The following RASA1 variants were observed in gnomAD, a reference collection of about 807,000 sequenced individuals.
RASA1 encodes the protein ras GTPase-activating protein 1.
Under a neutral mutation model 132.2 loss-of-function variants are expected in RASA1, and 25 were observed. The observed-to-expected ratio is 0.19, with a 90% CI of 0.14 to 0.26. The LOEUF (loss-of-function observed/expected upper bound fraction) is 0.26, where lower values mean the gene tolerates loss of function less well. Ranked by LOEUF, RASA1 falls within the 10% of genes least tolerant of loss-of-function variation. The pLI is 1.00. For synonymous variants in RASA1, 477 were observed against 449.9 expected, an observed-to-expected ratio of 1.06 and a Z score of -0.76; for missense variants, 964 against 1,299.2, an observed-to-expected ratio of 0.74 and a Z score of 3.97.
intron 11 of RASA1, among the ~76,000 whole-genome samples, chr5:87,365,758 T>C (rs1375904628): frequency 6.6e-6 from 1 of 152,064 alleles, no homozygotes; most frequent in Non-Finnish European, 1.5e-5. Context: ...ATACATTTAA[T>C]TGCTAAATTT....
intron 1 of RASA1, 150 bp from the exon 2 acceptor site, chr5:87,331,198 G>C (rs1388512400): frequency 9.8e-7 from 1 of 1,018,804 alleles, no homozygotes; most frequent in Non-Finnish European, 1.5e-6. Context: ...GTTAAATTGA[G>C]TTAAAATTGG....
chr5:87,315,440 A>T (rs1039862374), intron 1 of RASA1, among the ~76,000 whole-genome samples: 10 of 152,186 alleles, frequency 6.6e-5, no homozygotes, highest in African/African-American at 2.4e-4. Flanking sequence ...TCTAATCCTC[A>T]CAAAGGTAGG....
At chr5:87,271,216 CA>C (rs2112227757) in intron 1 of RASA1, among the ~76,000 whole-genome samples, 1 of 152,030 alleles carries the variant, frequency 6.6e-6, no homozygotes, top group South Asian at 2.1e-4. Flanking sequence ...CCAGCCTGGG[CA>C]ATAAGAGCTT....
chr5:87,319,488 C>T (rs1400484554), intron 1 of RASA1, among the ~76,000 whole-genome samples: 1 of 152,224 alleles, frequency 6.6e-6, no homozygotes, highest in Non-Finnish European at 1.5e-5. Context: ...ACCCACAGAC[C>T]CAACACCATG....
rs576329276 is a variant in RASA1, at chr5:87,268,795, C to G, written c.344C>G (p.Ala115Gly). 3 of 1,614,114 alleles carry G rather than the reference C, an allele frequency of 1.9e-6. No individual in the cohort carries two copies. Among genetic ancestry groups the G allele is most frequent in the Admixed American group, 1.7e-5 (1 of 60,012 alleles). The change falls in exon 1 of 25, where the codon GCT becomes GGT. Residue 115 changes from alanine to glycine, a missense_variant. Physicochemically the swap from Ala to Gly is moderately conservative, Grantham distance 60. This residue lies in a region of RASA1 where 326 missense variants were observed against 275.8 expected (regional missense o/e 1.18). Coordinates refer to ENST00000274376, the MANE Select transcript of RASA1 (RefSeq NM_002890.3). ...GTTGCTGGACCTAGTGGAGACATGGCTCTCACCAAACTGCCCACTTCGTTG... is the reference window on the plus strand; with the variant it reads ...GTTGCTGGACCTAGTGGAGACATGGGTCTCACCAAACTGCCCACTTCGTTG... ...AAVAGPSGDM[A>G]LTKLPTSLLA... is the part of the protein sequence containing the mutation.
At chr5:87,381,993 C>T (rs1246430673) in intron 20 of RASA1, among the ~76,000 whole-genome samples, 2 of 152,052 alleles carry the variant, frequency 1.3e-5, no homozygotes, top group African/African-American at 4.8e-5. Context: ...GCTCTGTTGC[C>T]CATGCTGGAG....
In RASA1 at chr5:87,332,569, T is replaced by C; in HGVS notation, c.755T>C (p.Leu252Pro). 1 of 1,607,968 alleles carries C rather than the reference T, an allele frequency of 6.2e-7. No individual in the cohort carries two copies. The highest frequency in any genetic ancestry group is 8.5e-7 in the Non-Finnish European group (1 of 1,174,716). ...AGACGTTTTTCTTCACTGTCAGACC[T>C]AATAGGTTATTACAGTCATGTTTCT... ...GGRRFSSLSD[L>P]IGYYSHVSCL... The change falls in exon 3 of 25, where the codon CTA becomes CCA. Residue 252 changes from leucine (L) to proline (P), a missense_variant. Leu to Pro is a moderately conservative substitution (Grantham distance 98, BLOSUM62 -3). This residue lies in a region of RASA1 where 154 missense variants were observed against 286.5 expected (regional missense o/e 0.54). Coordinates refer to ENST00000274376, the MANE Select transcript of RASA1 (RefSeq NM_002890.3).
At chr5:87,305,867 C>G (rs1580221953) in intron 1 of RASA1, among the ~76,000 whole-genome samples, 1 of 152,302 alleles carries the variant, frequency 6.6e-6, no homozygotes, top group East Asian at 1.9e-4. Flanking sequence ...GGGCAAGAAT[C>G]AGATGAAATA....
At chr5:87,303,315 G>A (rs189808477) in intron 1 of RASA1, among the ~76,000 whole-genome samples, 125 of 150,544 alleles carry the variant, frequency 8.3e-4, no homozygotes, top group Non-Finnish European at 1.6e-3. Context: ...GAAGTCTTAC[G>A]TTGTACCTTT....
chr5:87,331,005 T>C (rs1274088459), intron 1 of RASA1: 1 of 1,388,046 alleles, frequency 7.2e-7, no homozygotes. Context: ...ATCATTTCCA[T>C]TTGTCTATCT....
chr5:87,330,943 A>C, intron 1 of RASA1: 1 of 1,429,564 alleles, frequency 7.0e-7, no homozygotes, highest in Non-Finnish European at 9.1e-7. Flanking sequence ...CATAGGTTCC[A>C]TGTGCCTTGT....
intron 1 of RASA1, among the ~76,000 whole-genome samples, chr5:87,284,324 G>T (rs1159044185): frequency 6.6e-6 from 1 of 152,134 alleles, no homozygotes; most frequent in Non-Finnish European, 1.5e-5. Context: ...GTGACTATAG[G>T]TTGCTTTCTC....
chr5:87,382,813 G>A (rs905150927), intron 20 of RASA1, among the ~76,000 whole-genome samples: 8 of 152,072 alleles, frequency 5.3e-5, no homozygotes, highest in Non-Finnish European at 1.2e-4. Context: ...GCTGGGCATG[G>A]TGGCTCAAGC....
chr5:87,278,536 A>T (rs952799311), intron 1 of RASA1, among the ~76,000 whole-genome samples: 10 of 151,892 alleles, frequency 6.6e-5, no homozygotes, highest in African/African-American at 2.2e-4. Context: ...ACAGAGCGAG[A>T]CTCTGTCTCA....
At chr5:87,390,719 G>GT (rs367986361) in intron 24 of RASA1, 81 bp from the exon 25 acceptor site, 2 of 1,182,186 alleles carry the variant, frequency 1.7e-6, no homozygotes, top group Non-Finnish European at 2.5e-6. Flanking sequence ...CTTTGATACA[G>GT]TTTTTTTCAA....
intron 1 of RASA1, among the ~76,000 whole-genome samples, chr5:87,293,340 T>G (rs960704889): frequency 4.6e-5 from 7 of 152,104 alleles, no homozygotes; most frequent in African/African-American, 7.2e-5. Context: ...TACCGTCAAA[T>G]GGATTTTCTG....
Position 87,363,424 on chromosome 5 carries a change from A to G in RASA1, c.1530A>G (p.Glu510=). The G allele has an allele frequency of 6.2e-7, 1 of 1,611,456 alleles. No homozygotes were observed. The highest frequency in any genetic ancestry group is 8.5e-7 in the Non-Finnish European group (1 of 1,177,830). ...CCCAACTTATTTATTTTGAAAGCGA[A>G]AAACGAGCTACCAAACCAAAAGGAT... ...SDAQLIYFES[E]KRATKPKGLI... Residue 510 remains glutamate (E), a synonymous_variant, in exon 11 of 25, where the codon GAA becomes GAG. Transcript: ENST00000274376.
chr5:87,306,641 T>C (rs1755626346), intron 1 of RASA1, among the ~76,000 whole-genome samples: 2 of 152,310 alleles, frequency 1.3e-5, no homozygotes, highest in Middle Eastern at 3.4e-3. Flanking sequence ...GTCTTGCCTT[T>C]GGTTTTTAGC....
chr5:87,315,050 A>T (rs1317227084), intron 1 of RASA1, among the ~76,000 whole-genome samples: 1 of 152,212 alleles, frequency 6.6e-6, no homozygotes, highest in East Asian at 1.9e-4. Flanking sequence ...TATGTAAAGT[A>T]TAAAGAGTTT....
Sources: allele counts gnomAD v4.1 joint callset (sites outside exome capture counted in the v4.1 genomes callset), GRCh38; gene constraint gnomAD v4.1.1; regional missense constraint gnomAD v4.1.1; transcripts MANE v1.5; gene names NCBI Gene and HGNC (gene_info 2026-07-23, HGNC 2026-07-21).